CAMSAP3: variants seen among roughly 807,000 people sequenced by gnomAD.
CAMSAP3 encodes the protein calmodulin regulated spectrin associated protein family member 3.
A neutral mutation model predicts 112.5 loss-of-function variants in CAMSAP3; 34 were observed. That is an observed-to-expected ratio of 0.30 (90% CI 0.23 to 0.40). The LOEUF (loss-of-function observed/expected upper bound fraction) is 0.40, where lower values mean the gene tolerates loss of function less well. CAMSAP3 is among the 10% of genes least tolerant of loss of function. The pLI is 1.00. For missense variants in CAMSAP3, 1,602 were observed against 1,770.3 expected, an observed-to-expected ratio of 0.90 and a Z score of 1.71; for synonymous variants, 868 against 799.8, an observed-to-expected ratio of 1.09 and a Z score of -1.44.
chr19:7,617,202 C>T lies in CAMSAP3; in HGVS notation c.3213-124C>T. The T allele has an allele frequency of 1.4e-6, 1 of 729,130 alleles. No individual in the cohort carries two copies. Among genetic ancestry groups the T allele is most frequent in the Non-Finnish European group, 2.4e-6 (1 of 409,150 alleles). 45.2% of individuals were successfully genotyped at this position (729,130 alleles called of 1,614,324 possible). On this transcript the variant is annotated intron_variant, in intron 14 of 16. Transcript: ENST00000160298. The surrounding 1 kb of genome is among the most constrained non-coding windows in gnomAD (Gnocchi z 7.5). ...GAAGTGCTGGGATTACAGGCATGAG[C>T]CACGATGCCCAGCCGTGGCCCTTAT... is the stretch of plus-strand genomic sequence containing the variant.
At chr19:7,596,472 C>T (rs1362880020) in intron 1 of CAMSAP3, among the ~76,000 whole-genome samples, 2 of 152,044 alleles carry the variant, frequency 1.3e-5, no homozygotes, top group Non-Finnish European at 2.9e-5. Context: ...CCCGTGCGGA[C>T]CTCTCGTTCC....
rs2030479169 is a variant in CAMSAP3, at chr19:7,611,441, G to A, written c.1124-76G>A. The A allele has an allele frequency of 4.3e-6, 6 of 1,399,880 alleles. No homozygotes were observed. The highest frequency in any genetic ancestry group is 1.8e-4 in the Middle Eastern group (1 of 5,466). The allele number at this position is 1,399,880 out of a possible 1,614,324, so 86.7% of individuals were successfully genotyped here. On this transcript the variant is annotated intron_variant, in intron 9 of 16. Transcript: ENST00000160298. The surrounding 1 kb of genome is among the most constrained non-coding windows in gnomAD (Gnocchi z 6.9). ...GTGACTCACCCAATGACCTTGCAGA[G>A]GTTGTCCCCAGATGCTGGCTGACCC...
rs1245351298 is a variant in CAMSAP3, at chr19:7,615,238, G to T, written c.2726G>T (p.Arg909Leu). Residue 909 changes from arginine to leucine, a missense_variant, in exon 12 of 17, where the codon CGG becomes CTG. Physicochemically the swap from Arg to Leu is moderately radical, Grantham distance 102 (BLOSUM62 -2). This residue lies in a region of CAMSAP3 where 1,100 missense variants were observed against 1,135.7 expected (regional missense o/e 0.97). Coordinates refer to ENST00000160298, the MANE Select transcript of CAMSAP3 (RefSeq NM_020902.2). This position sits in a 1 kb window ranked among gnomAD's most constrained non-coding sequence, Gnocchi z 6.5. ...MAQKRASLLE[R>L]QQRRAEEARR... The stretch of plus-strand genomic sequence containing the variant: ...CAAAAGCGGGCCAGCCTGCTGGAGC[G>T]GCAGCAGCGGCGAGCAGAGGAGGCG... The T allele has an allele frequency of 9.0e-6, 14 of 1,551,582 alleles. No individual in the cohort carries two copies. The highest frequency in any genetic ancestry group is 7.8e-5 in the Admixed American group (4 of 51,184).
Position 7,610,763 on chromosome 19 carries a change from G to A in CAMSAP3, c.964G>A (p.Val322Met). Residue 322 changes from valine to methionine, a missense_variant, in exon 7 of 17, where the codon GTG becomes ATG. By Grantham distance (21) the Val-to-Met change is conservative. This residue lies in a region of CAMSAP3 where 1,100 missense variants were observed against 1,135.7 expected (regional missense o/e 0.97). Coordinates refer to ENST00000160298, the MANE Select transcript of CAMSAP3 (RefSeq NM_020902.2). The surrounding 1 kb of genome is among the most constrained non-coding windows in gnomAD (Gnocchi z 4.9). ...TTTTGAGGTGCTCAAGCCCGACTTT[G>A]TGCAAGTGAAGGACTTGCCCGATGG... ...MCFEVLKPDF[V>M]QVKDLPDGHA... 6.2e-7 allele frequency: 1 copy of A among 1,613,962 alleles called. No individual in the cohort carries two copies. The highest frequency in any genetic ancestry group is 8.5e-7 in the Non-Finnish European group (1 of 1,179,998).
At chr19:7,616,941 T>TTTTTTG (rs993323425) in intron 14 of CAMSAP3, among the ~76,000 whole-genome samples, 1 of 124,132 alleles carries the variant, frequency 8.1e-6, no homozygotes, top group African/African-American at 3.2e-5. Context: ...CGCCTTTTTT[T>TTTTTTG]TTTTTTTTTT....
Position 7,610,939 on chromosome 19 carries a change from C to T in CAMSAP3, c.1049+8C>T. 2 of 1,580,314 alleles carry T rather than the reference C, an allele frequency of 1.3e-6. No homozygotes were observed. The highest frequency in any genetic ancestry group is 2.3e-5 in the South Asian group (2 of 85,380). ...GAACAACAGCGGCAGTAGGTACGCT[C>T]CCCACACTGGGCGAGTCTCTGGCAT... is the stretch of plus-strand genomic sequence containing the variant. On this transcript the variant is annotated splice_region_variant and intron_variant, in intron 8 of 16. Transcript: ENST00000160298. This position sits in a 1 kb window ranked among gnomAD's most constrained non-coding sequence, Gnocchi z 4.9.
At chr19:7,598,887 C>T (rs1238569841) in intron 1 of CAMSAP3, among the ~76,000 whole-genome samples, 1 of 152,148 alleles carries the variant, frequency 6.6e-6, no homozygotes, top group Non-Finnish European at 1.5e-5. Context: ...AACTCAAGTT[C>T]ATGTTGGACA....
chr19:7,596,469 G>A (rs1468225722), intron 1 of CAMSAP3, among the ~76,000 whole-genome samples: 1 of 152,012 alleles, frequency 6.6e-6, no homozygotes, highest in African/African-American at 2.4e-5. Flanking sequence ...CTCCCCGTGC[G>A]GACCTCTCGT....
At position 7,607,709 on chromosome 19, in the gene CAMSAP3, G is replaced by A. The variant is rs2030287871; in HGVS notation, c.622-417G>A. 4.7e-6 allele frequency: 2 copies of A among 429,674 alleles called. No homozygotes were observed. The highest frequency in any genetic ancestry group is 8.6e-6 in the Non-Finnish European group (2 of 233,750). The allele number at this position is 429,674 out of a possible 1,614,324, so 26.6% of individuals were successfully genotyped here. The stretch of plus-strand genomic sequence containing the variant: ...GGCCAGAGCAGTCAGGGAGCTGGAC[G>A]GCCGGGGCTCAGGACCAGGGTCAGG... On this transcript the variant is annotated intron_variant, in intron 4 of 16. Coordinates refer to ENST00000160298, the MANE Select transcript of CAMSAP3 (RefSeq NM_020902.2). The surrounding 1 kb of genome is among the most constrained non-coding windows in gnomAD (Gnocchi z 4.9).
Position 7,611,122 on chromosome 19 carries a change from G to T in CAMSAP3, c.1077G>T (p.Pro359=). Residue 359 remains proline (P), a synonymous_variant, in exon 9 of 17, where the codon CCG becomes CCT. Coordinates refer to ENST00000160298, the MANE Select transcript of CAMSAP3 (RefSeq NM_020902.2). The surrounding 1 kb of genome is among the most constrained non-coding windows in gnomAD (Gnocchi z 6.9). ...SSSPVFTFRH[P]LLSSGGPQSP... ...CTCCTGTCTTCACCTTCCGCCACCC[G>T]CTTCTGTCATCTGGTGGCCCCCAGT... The T allele has an allele frequency of 1.9e-6, 3 of 1,613,632 alleles. No homozygotes were observed. The highest frequency in any genetic ancestry group is 1.7e-6 in the Non-Finnish European group (2 of 1,179,950).
rs1568446383 is a variant in CAMSAP3, at chr19:7,612,558, G to A, written c.2065G>A (p.Gly689Ser). 4 of 1,535,518 alleles carry A rather than the reference G, an allele frequency of 2.6e-6. No individual in the cohort carries two copies. Among genetic ancestry groups the A allele is most frequent in the Non-Finnish European group, 2.6e-6 (3 of 1,145,584 alleles). Residue 689 changes from glycine (G) to serine (S), a missense_variant, in exon 11 of 17, where the codon GGC becomes AGC. Physicochemically the swap from Gly to Ser is moderately conservative, Grantham distance 56. Transcript: ENST00000160298. ...GGCAGTGACCTTCTCGCCAGACCTG[G>A]GCCCGGTGCCCCACGAGGGGCTGGG... ...PKAVTFSPDL[G>S]PVPHEGLGEY...
Position 7,596,033 on chromosome 19 carries a change from C to T in CAMSAP3, c.31C>T (p.Pro11Ser). The T allele has an allele frequency of 1.6e-6, 2 of 1,222,712 alleles. No individual in the cohort carries two copies. The highest frequency in any genetic ancestry group is 2.1e-6 in the Non-Finnish European group (2 of 955,266). The allele number at this position is 1,222,712 out of a possible 1,614,324, so 75.7% of individuals were successfully genotyped here. A position where few individuals can be genotyped will look rare whatever the true frequency, so the allele number is the denominator to read the frequency against. The part of the protein sequence containing the change: MVEAAPPGPG[P>S]LRRTFLVPEI... Reference sequence around the variant, plus strand: ...GGAGGCGGCGCCCCCCGGGCCCGGGCCGCTGCGGAGGACCTTTCTAGTGCC... The same window carrying T: ...GGAGGCGGCGCCCCCCGGGCCCGGGTCGCTGCGGAGGACCTTTCTAGTGCC... The change falls in exon 1 of 17, where the codon CCG becomes TCG. Residue 11 changes from proline to serine, a missense_variant. Coordinates refer to ENST00000160298, the MANE Select transcript of CAMSAP3 (RefSeq NM_020902.2).
In CAMSAP3 at chr19:7,612,558, G is replaced by C. The variant is rs1568446383; in HGVS notation, c.2065G>C (p.Gly689Arg). The C allele has an allele frequency of 1.3e-6, 2 of 1,535,636 alleles. No homozygotes were observed. The highest frequency in any genetic ancestry group is 1.2e-5 in the South Asian group (1 of 84,008). The change falls in exon 11 of 17, where the codon GGC becomes CGC. Residue 689 changes from glycine to arginine, a missense_variant. Physicochemically the swap from Gly to Arg is moderately radical, Grantham distance 125. Coordinates refer to ENST00000160298, the MANE Select transcript of CAMSAP3 (RefSeq NM_020902.2). ...GGCAGTGACCTTCTCGCCAGACCTG[G>C]GCCCGGTGCCCCACGAGGGGCTGGG... ...PKAVTFSPDL[G>R]PVPHEGLGEY... is the part of the protein sequence containing the mutation.
chr19:7,611,867 C>T lies in CAMSAP3; in HGVS notation c.1374C>T (p.Thr458=), dbSNP rs2030509802. Residue 458 remains threonine, a synonymous_variant, in exon 11 of 17, where the codon ACC becomes ACT. Coordinates refer to ENST00000160298, the MANE Select transcript of CAMSAP3 (RefSeq NM_020902.2). This position sits in a 1 kb window ranked among gnomAD's most constrained non-coding sequence, Gnocchi z 6.9. The part of the protein sequence containing the change: ...QPPPEPGDLP[T]IEEALQIIHS... ...CCCCGGAGCCTGGTGACCTGCCCAC[C>T]ATCGAGGAAGCTCTGCAGATCATCC... 2 of 1,566,380 alleles carry T rather than the reference C, an allele frequency of 1.3e-6. No homozygotes were observed. Among genetic ancestry groups the T allele is most frequent in the Non-Finnish European group, 1.7e-6 (2 of 1,155,324 alleles).
Position 7,618,189 on chromosome 19 carries a change from G to C in CAMSAP3, c.*132G>C, listed in dbSNP as rs1307907890. ...GGTGGGGCTGGAGTCTCCACCCTCT[G>C]ACTTTGAGTCCAGTCCTGCTGTGGG... On this transcript the variant is annotated 3_prime_UTR_variant, in exon 17 of 17. Transcript: ENST00000160298. 7.9e-6 allele frequency: 8 copies of C among 1,011,362 alleles called. No individual in the cohort carries two copies. In the Admixed American group the frequency reaches 2.1e-4, roughly 27 times the overall value. 62.6% of individuals were successfully genotyped at this position (1,011,362 alleles called of 1,614,324 possible). A position where few individuals can be genotyped will look rare whatever the true frequency, so the allele number is the denominator to read the frequency against.
In CAMSAP3 at chr19:7,617,625, C is replaced by T; in HGVS notation, c.3408C>T (p.Gly1136=). The change falls in exon 16 of 17, where the codon GGC becomes GGT. Residue 1136 remains glycine, a synonymous_variant. Transcript: ENST00000160298. This position sits in a 1 kb window ranked among gnomAD's most constrained non-coding sequence, Gnocchi z 7.5. ...CCCTATCACACTGCTGCCTGGCGGG[C>T]AAGGTGAACGAACCGCAGAAGAATC... is the stretch of plus-strand genomic sequence containing the variant. The part of the protein sequence containing the change: ...HNALSHCCLA[G]KVNEPQKNRI... The T allele has an allele frequency of 6.2e-7, 1 of 1,614,138 alleles. No individual in the cohort carries two copies. Among genetic ancestry groups the T allele is most frequent in the Non-Finnish European group, 8.5e-7 (1 of 1,180,014 alleles).
Position 7,618,269 on chromosome 19 carries a change from C to T in CAMSAP3, c.*212C>T. ...GCTCAGCTCAGTCCCCTTGTCTGTC[C>T]TCCCCCACTTCTTGAATAAAATAAT... On this transcript the variant is annotated 3_prime_UTR_variant, in exon 17 of 17. Coordinates refer to ENST00000160298, the MANE Select transcript of CAMSAP3 (RefSeq NM_020902.2). The T allele has an allele frequency of 1.8e-6, 1 of 564,938 alleles. No individual in the cohort carries two copies. 35.0% of individuals were successfully genotyped at this position (564,938 alleles called of 1,614,324 possible).
intron 1 of CAMSAP3, among the ~76,000 whole-genome samples, chr19:7,603,251 A>G (rs1266554640): frequency 7.0e-6 from 1 of 142,256 alleles, no homozygotes; most frequent in Non-Finnish European, 1.5e-5. Context: ...GGCTTGCTCT[A>G]TCACCCAGGC....
In CAMSAP3 at chr19:7,615,756, C is replaced by G; in HGVS notation, c.3112+37C>G. The stretch of plus-strand genomic sequence containing the variant: ...TGGGGGACGGGGCCTGCCCAGTGCC[C>G]TTTCCGGGGCTCACTGGGTGAGGCC... On this transcript the variant is annotated intron_variant, in intron 13 of 16. Coordinates refer to ENST00000160298, the MANE Select transcript of CAMSAP3 (RefSeq NM_020902.2). This position sits in a 1 kb window ranked among gnomAD's most constrained non-coding sequence, Gnocchi z 6.5. 8.9e-7 allele frequency: 1 copy of G among 1,123,450 alleles called. No individual in the cohort carries two copies. Among genetic ancestry groups the G allele is most frequent in the East Asian group, 6.3e-5 (1 of 15,872 alleles). The allele number at this position is 1,123,450 out of a possible 1,614,324, so 69.6% of individuals were successfully genotyped here.
Sources: allele counts gnomAD v4.1 joint callset (sites outside exome capture counted in the v4.1 genomes callset), GRCh38; gene constraint gnomAD v4.1.1; regional missense constraint gnomAD v4.1.1; non-coding constraint Gnocchi (gnomAD v3.1); transcripts MANE v1.5; gene names NCBI Gene and HGNC (gene_info 2026-07-23, HGNC 2026-07-21).